The following ARL15 variants were observed in gnomAD, a reference collection of about 807,000 sequenced individuals.
ARL15 encodes ADP-ribosylation factor-like protein 15.
Under a neutral mutation model 25.2 loss-of-function variants are expected in ARL15, and 19 were observed. That is an observed-to-expected ratio of 0.75 (90% confidence interval 0.53 to 1.10). ARL15 has a LOEUF of 1.10. Among genes scored for constraint, ARL15 ranks in the 50% least tolerant of loss-of-function variants. ARL15 has a pLI of 0.00. For missense variants in ARL15, 220 were observed against 246.0 expected, an observed-to-expected ratio of 0.89 and a Z score of 0.71; for synonymous variants, 94 against 86.8, an observed-to-expected ratio of 1.08 and a Z score of -0.46.
chr5:53,890,641 T>G (rs1271044160), intron 4 of ARL15, among the ~76,000 whole-genome samples: 1 of 152,198 alleles, frequency 6.6e-6, no homozygotes, highest in Non-Finnish European at 1.5e-5. Context: ...TTAGTAGCCA[T>G]GTGTCCACCC....
rs564382910 is a variant in ARL15 at position 53,924,708 on chromosome 5, C to G, written c.463-37995G>C. 3.9e-5 allele frequency among the ~76,000 whole-genome samples: 6 copies of G among 152,222 alleles called. No individual in the cohort carries two copies. In the South Asian group the frequency reaches 1.2e-3, roughly 31 times the overall value. ...CCATGCCCCTCCTCCCAACTCTGGACAGCAACCAAACTGTCTTTGGCCTAA... is the reference window on the plus strand; with the variant it reads ...CCATGCCCCTCCTCCCAACTCTGGAGAGCAACCAAACTGTCTTTGGCCTAA... On this transcript the variant is annotated intron_variant, in intron 4 of 4. Transcript: ENST00000504924.
chr5:54,023,659 C>T (rs1001404159), intron 4 of ARL15, among the ~76,000 whole-genome samples: 1 of 152,120 alleles, frequency 6.6e-6, no homozygotes, highest in Non-Finnish European at 1.5e-5. Context: ...TCTGACCTTC[C>T]TCCTCCCTTC....
intron 1 of ARL15, among the ~76,000 whole-genome samples, chr5:54,258,133 C>T (rs1222360608): frequency 2.7e-5 from 4 of 147,672 alleles, no homozygotes; most frequent in Non-Finnish European, 4.4e-5. Flanking sequence ...GAGTTTGAGA[C>T]GAGCCTGGGC....
chr5:54,085,932 T>TTC (rs10686361), intron 4 of ARL15, among the ~76,000 whole-genome samples: 1 of 151,524 alleles, frequency 6.6e-6, no homozygotes, highest in South Asian at 2.1e-4. Context: ...TTTTTTTTTT[T>TTC]AGATGGCGTT....
At chr5:54,093,911 A>G (rs986675191) in intron 4 of ARL15, among the ~76,000 whole-genome samples, 11 of 152,194 alleles carry the variant, frequency 7.2e-5, no homozygotes, top group Non-Finnish European at 1.3e-4. Flanking sequence ...AATATAATTT[A>G]TGTGCATGCA....
At chr5:54,068,474 T>C (rs1259704112) in intron 4 of ARL15, among the ~76,000 whole-genome samples, 1 of 152,242 alleles carries the variant, frequency 6.6e-6, no homozygotes, top group Non-Finnish European at 1.5e-5. Context: ...GGGGAAGAAC[T>C]GAATCTCTTT....
At chr5:53,898,972 G>T (rs946844047) in intron 4 of ARL15, among the ~76,000 whole-genome samples, 2 of 152,008 alleles carry the variant, frequency 1.3e-5, no homozygotes, top group African/African-American at 4.8e-5. Flanking sequence ...TTTCTGCAAG[G>T]TTGGTAGTTG....
chr5:54,128,507 T>C (rs188422393), intron 3 of ARL15, among the ~76,000 whole-genome samples: 13 of 152,286 alleles, frequency 8.5e-5, no homozygotes, highest in South Asian at 2.1e-4. Flanking sequence ...AAGTATGTAT[T>C]GAGTAGCTTC....
chr5:54,310,240 C>T, intron 1 of ARL15, 192 bp downstream of exon 1: 2 of 610,352 alleles, frequency 3.3e-6, no homozygotes, highest in Non-Finnish European at 5.5e-6. Flanking sequence ...TACCTGTCAG[C>T]TCCACCACCC....
chr5:54,292,315 G>A (rs1758354808), intron 1 of ARL15, among the ~76,000 whole-genome samples: 1 of 152,120 alleles, frequency 6.6e-6, no homozygotes. Context: ...AAGGACTAAA[G>A]GGAACAGATA....
intron 1 of ARL15, among the ~76,000 whole-genome samples, chr5:54,227,987 C>T (rs982648163): frequency 6.6e-6 from 1 of 152,186 alleles, no homozygotes; most frequent in East Asian, 1.9e-4. Flanking sequence ...AAAACCACAA[C>T]ATCTTCTCAA....
In ARL15 at chr5:54,251,401, GCTTTTTAAAAAGT is replaced by G. The variant is rs145025864; in HGVS notation, c.48+59018_48+59030del. On this transcript the variant is annotated intron_variant, in intron 1 of 4. Transcript: ENST00000504924. ...GCAGAATTAAATTAAGGAAAGCCAG[GCTTTTTAAAAAGT>G]AATTGAATATTAGCATTAGTCAACA... Among the ~76,000 whole-genome samples the G allele has an allele frequency of 6.7e-3, 1,023 of 152,216 alleles. 11 individuals carry two copies. Among genetic ancestry groups the G allele is most frequent in the African/African-American group, 0.023 (939 of 41,530 alleles).
At chr5:54,238,848 G>C (rs1756879377) in intron 1 of ARL15, among the ~76,000 whole-genome samples, 1 of 152,236 alleles carries the variant, frequency 6.6e-6, no homozygotes, top group Admixed American at 6.5e-5. Flanking sequence ...TTTGGGGCCT[G>C]ATGTTGACGA....
intron 4 of ARL15, among the ~76,000 whole-genome samples, chr5:53,961,331 C>T (rs375928957): frequency 1.3e-5 from 2 of 151,746 alleles, no homozygotes; most frequent in South Asian, 2.1e-4. Context: ...AACCCCATCT[C>T]TACTAAAAAT....
chr5:54,175,449 C>T (rs1367917928), intron 1 of ARL15, among the ~76,000 whole-genome samples: 1 of 152,006 alleles, frequency 6.6e-6, no homozygotes, highest in African/African-American at 2.4e-5. Flanking sequence ...ATTCTCGTGC[C>T]TCGGCTTCCT....
chr5:53,921,053 C>A (rs927267752), intron 4 of ARL15, among the ~76,000 whole-genome samples: 2 of 152,176 alleles, frequency 1.3e-5, no homozygotes, highest in East Asian at 1.9e-4. Flanking sequence ...CCCCCACTGA[C>A]CATATTGCAC....
chr5:54,293,613 C>A (rs1758392350), intron 1 of ARL15, among the ~76,000 whole-genome samples: 1 of 152,178 alleles, frequency 6.6e-6, no homozygotes, highest in African/African-American at 2.4e-5. Flanking sequence ...TCTATTCCAA[C>A]CTCTCACTCA....
chr5:54,107,654 A>G (rs776404548), intron 4 of ARL15, among the ~76,000 whole-genome samples: 24 of 152,240 alleles, frequency 1.6e-4, no homozygotes, highest in Middle Eastern at 3.4e-3. Context: ...AAGAGTACGA[A>G]TTGAAAAAGG....
At chr5:54,306,517 A>T (rs753297378) in intron 1 of ARL15, among the ~76,000 whole-genome samples, 13 of 151,818 alleles carry the variant, frequency 8.6e-5, no homozygotes, top group Non-Finnish European at 1.2e-4. Flanking sequence ...CAGCCTCCCA[A>T]GTAGCTGAGA....
Sources: gnomAD v4.1 joint callset for allele counts (sites outside exome capture counted in the v4.1 genomes callset) on GRCh38, gnomAD v4.1.1 for gene constraint, MANE v1.5 for transcripts, NCBI Gene and HGNC (gene_info 2026-07-23, HGNC 2026-07-21) for gene names.